Variants in SMAD1 observed in about 807,000 individuals in gnomAD.
The protein encoded by SMAD1 is MAD, mothers against decapentaplegic homolog 1.
SMAD1 carries 6 observed loss-of-function variants against 41.6 expected under a neutral mutation model. The ratio of observed to expected loss-of-function variants is 0.14; its 90% CI spans 0.08 to 0.28. SMAD1 has a LOEUF of 0.28. Among genes scored for constraint, SMAD1 ranks in the 10% least tolerant of loss-of-function variants. The pLI, the probability that SMAD1 is intolerant of heterozygous loss-of-function variation, is 1.00. For synonymous variants in SMAD1, 206 were observed against 203.2 expected (o/e 1.01, Z -0.12); for missense variants, 379 against 582.6 (o/e 0.65, Z 3.60).
Position 145,554,004 on chromosome 4 carries a change from T to G in SMAD1, c.1218T>G (p.Leu406=). ...VNHGFETVYE[L]TKMCTIRMSF... ...ATGGATTTGAGACAGTCTATGAGCT[T>G]ACAAAAATGTGTACTATACGTATGA... The change falls in exon 6 of 7, where the codon CTT becomes CTG. Residue 406 remains leucine (L), a synonymous_variant. Coordinates refer to ENST00000302085, the MANE Select transcript of SMAD1 (RefSeq NM_005900.3). 1 of 1,613,994 alleles carries G rather than the reference T, an allele frequency of 6.2e-7. No individual in the cohort carries two copies. The highest frequency in any genetic ancestry group is 8.5e-7 in the Non-Finnish European group (1 of 1,179,962).
At chr4:145,516,519 T>C (rs1730399794) in intron 2 of SMAD1, among the ~76,000 whole-genome samples, 1 of 152,226 alleles carries the variant, frequency 6.6e-6, no homozygotes, top group South Asian at 2.1e-4. Context: ...TAACTGGTTT[T>C]TATTGTATCC....
chr4:145,547,013 T>C (rs184071898), intron 5 of SMAD1, 89 bp downstream of exon 5: 47 of 1,057,634 alleles, frequency 4.4e-5, no homozygotes, highest in Non-Finnish European at 6.7e-5. Context: ...TGTAACAAAC[T>C]GTTGTAGCAA....
chr4:145,546,844 A>G lies in SMAD1; in HGVS notation c.917A>G (p.Lys306Arg), dbSNP rs1173891246. The G allele has an allele frequency of 6.2e-7, 1 of 1,614,078 alleles. No homozygotes were observed. Among genetic ancestry groups the G allele is most frequent in the Non-Finnish European group, 8.5e-7 (1 of 1,180,028 alleles). ...GGTTTCACTGATCCTTCCAACAATA[A>G]GAACCGTTTCTGCCTTGGGCTGCTC... is the stretch of plus-strand genomic sequence containing the variant. The part of the protein sequence containing the change: ...VDGFTDPSNN[K>R]NRFCLGLLSN... Residue 306 changes from lysine to arginine, a missense_variant, in exon 5 of 7, where the codon AAG (lysine) becomes AGG (arginine). By Grantham distance (26) the Lys-to-Arg change is conservative. Transcript: ENST00000302085.
At chr4:145,537,962 G>A (rs6813833) in intron 2 of SMAD1, among the ~76,000 whole-genome samples, 31 of 152,284 alleles carry the variant, frequency 2.0e-4, no homozygotes, top group African/African-American at 5.5e-4. Flanking sequence ...GACTCTGTGC[G>A]TGTGTGTTGT....
intron 1 of SMAD1, chr4:145,504,096 C>T (rs2126350781): frequency 6.6e-6 from 1 of 152,210 alleles, no homozygotes; most frequent in Non-Finnish European, 1.5e-5. Context: ...GTTTTTGTGA[C>T]CAGAAATGTC....
chr4:145,543,150 A>C (rs2126523128), intron 4 of SMAD1, among the ~76,000 whole-genome samples: 1 of 152,270 alleles, frequency 6.6e-6, no homozygotes, highest in South Asian at 2.1e-4. Flanking sequence ...TATTTTTAGT[A>C]GAGACAGGGT....
chr4:145,535,963 G>T (rs777283245), intron 2 of SMAD1, among the ~76,000 whole-genome samples: 3 of 145,432 alleles, frequency 2.1e-5, no homozygotes, highest in Non-Finnish European at 4.5e-5. Context: ...GAATTTGAAT[G>T]AATCCAAGTT....
intron 4 of SMAD1, among the ~76,000 whole-genome samples, chr4:145,543,102 G>T (rs933457131): frequency 6.6e-6 from 1 of 152,068 alleles, no homozygotes; most frequent in Non-Finnish European, 1.5e-5. Flanking sequence ...GAGTAGCTGG[G>T]ATTACAGGTG....
At chr4:145,555,888 A>G (rs756674074) in intron 6 of SMAD1, among the ~76,000 whole-genome samples, 31 of 152,186 alleles carry the variant, frequency 2.0e-4, no homozygotes, top group Non-Finnish European at 3.7e-4. Flanking sequence ...ACAAGATATA[A>G]TGAACTTAGC....
At chr4:145,509,003 T>C (rs1477944494) in intron 1 of SMAD1, among the ~76,000 whole-genome samples, 5 of 152,196 alleles carry the variant, frequency 3.3e-5, no homozygotes. Context: ...GATACAAATA[T>C]TCAGACCAGA....
intron 1 of SMAD1, among the ~76,000 whole-genome samples, chr4:145,507,559 A>G (rs1054980722): frequency 2.0e-5 from 3 of 151,794 alleles, no homozygotes; most frequent in Admixed American, 6.6e-5. Flanking sequence ...TGCAAAAACA[A>G]TTTTCCCTTT....
chr4:145,506,640 C>T (rs945553907), intron 1 of SMAD1, among the ~76,000 whole-genome samples: 1 of 151,866 alleles, frequency 6.6e-6, no homozygotes, highest in Non-Finnish European at 1.5e-5. Context: ...TTGGTGGTTA[C>T]TCCTTCCTTT....
chr4:145,508,068 C>A (rs1224310760), intron 1 of SMAD1, among the ~76,000 whole-genome samples: 1 of 145,940 alleles, frequency 6.9e-6, no homozygotes, highest in Admixed American at 6.9e-5. Context: ...TGTTTGGATG[C>A]CCTTGGTTTA....
intron 6 of SMAD1, 37 bp downstream of exon 6, chr4:145,554,077 ATACT>A (rs1325118685): frequency 6.5e-7 from 1 of 1,542,306 alleles, no homozygotes; most frequent in Non-Finnish European, 8.7e-7. Flanking sequence ...AGGGCCTAAC[ATACT>A]TTTGCTGTGC....
chr4:145,496,758 T>C (rs186814092), intron 1 of SMAD1, among the ~76,000 whole-genome samples: 1 of 152,194 alleles, frequency 6.6e-6, no homozygotes, highest in Non-Finnish European at 1.5e-5. Flanking sequence ...ACTATACTTC[T>C]GTTGAAATTT....
intron 1 of SMAD1, among the ~76,000 whole-genome samples, chr4:145,505,440 A>T (rs2126358804): frequency 6.6e-6 from 1 of 152,218 alleles, no homozygotes; most frequent in East Asian, 1.9e-4. Flanking sequence ...AGTTTCATAT[A>T]TTAAAAATAC....
intron 1 of SMAD1, among the ~76,000 whole-genome samples, chr4:145,486,975 G>T (rs569892248): frequency 4.6e-5 from 7 of 152,106 alleles, no homozygotes; most frequent in Non-Finnish European, 7.4e-5. Context: ...AGGGAGGAAA[G>T]AATTTTTTGG....
intron 2 of SMAD1, among the ~76,000 whole-genome samples, chr4:145,530,282 G>A (rs1731253603): frequency 6.6e-6 from 1 of 152,182 alleles, no homozygotes; most frequent in African/African-American, 2.4e-5. Flanking sequence ...CCATGGGAGT[G>A]CTGTTAGAAC....
At chr4:145,497,398 A>G (rs1729147434) in intron 1 of SMAD1, 1 of 152,218 alleles carries the variant, frequency 6.6e-6, no homozygotes, top group African/African-American at 2.4e-5. Flanking sequence ...GACTCTTATC[A>G]TAGTGTACCA....
Sources: allele counts gnomAD v4.1 joint callset (sites outside exome capture counted in the v4.1 genomes callset), GRCh38; gene constraint gnomAD v4.1.1; transcripts MANE v1.5; gene names NCBI Gene and HGNC (gene_info 2026-07-23, HGNC 2026-07-21).